Variants in HMCN1 observed in about 807,000 individuals in gnomAD.
HMCN1 encodes hemicentin 1.
In HMCN1, 321 loss-of-function variants were observed where a neutral mutation model predicts 625.9. That is an observed-to-expected ratio of 0.51 (90% CI 0.47 to 0.56). HMCN1 has a LOEUF of 0.56. HMCN1 is among the 20% of genes least tolerant of loss of function. HMCN1 has a pLI of 0.00. For missense variants in HMCN1, 6,588 were observed against 6,887.3 expected (o/e 0.96, Z 1.54); for synonymous variants, 2,425 against 2,417.6 (o/e 1.00, Z -0.09).
At position 185,933,820 on chromosome 1, in the gene HMCN1, G is replaced by A. The variant is rs756585754; in HGVS notation, c.1824G>A (p.Val608=). The A allele has an allele frequency of 5.6e-6, 9 of 1,612,644 alleles. No individual in the cohort carries two copies. The South Asian group carries it at 8.8e-5, about 16-fold the overall frequency. Residue 608 remains valine (V), a synonymous_variant, in exon 11 of 107, where the codon GTG becomes GTA. Transcript: ENST00000271588. The part of the protein sequence containing the change: ...GSSAASVFLT[V]QEPPKVTVMP... ...CAGCCGCTTCAGTTTTCCTCACAGT[G>A]CAAGGTACAGTGCTTTGGTAACTTC...
intron 30 of HMCN1, among the ~76,000 whole-genome samples, chr1:186,008,464 T>G (rs1653781575): frequency 6.6e-6 from 1 of 152,176 alleles, no homozygotes; most frequent in African/African-American, 2.4e-5. Context: ...TTATTAGAAT[T>G]AATTTCCTCT....
At chr1:185,916,258 T>G (rs2102464207) in intron 6 of HMCN1, among the ~76,000 whole-genome samples, 1 of 152,302 alleles carries the variant, frequency 6.6e-6, no homozygotes, top group South Asian at 2.1e-4. Context: ...CCATCTATTC[T>G]TTAATTTGTA....
At chr1:185,831,273 A>G (rs1170366055) in intron 1 of HMCN1, among the ~76,000 whole-genome samples, 1 of 152,186 alleles carries the variant, frequency 6.6e-6, no homozygotes, top group Non-Finnish European at 1.5e-5. Context: ...TAACATATCT[A>G]AGGGAAGAAC....
At chr1:185,809,513 T>C (rs1659378474) in intron 1 of HMCN1, among the ~76,000 whole-genome samples, 1 of 150,738 alleles carries the variant, frequency 6.6e-6, no homozygotes, top group Non-Finnish European at 1.5e-5. Flanking sequence ...CTAGGCATAA[T>C]ATATATATAT....
At chr1:185,930,907 T>TACACACACACAC (rs3030426) in intron 10 of HMCN1, among the ~76,000 whole-genome samples, 166 of 139,026 alleles carry the variant, frequency 1.2e-3, no homozygotes, top group African/African-American at 4.1e-3. Flanking sequence ...TTTCACCCAA[T>TACACACACACAC]ACACACACAC....
intron 97 of HMCN1, among the ~76,000 whole-genome samples, chr1:186,155,282 G>A (rs1414965112): frequency 8.6e-5 from 13 of 152,030 alleles, no homozygotes; most frequent in Non-Finnish European, 5.9e-5. Flanking sequence ...ACAGATTCAC[G>A]AAGTCTCATA....
chr1:185,773,448 C>T (rs1656385180), intron 1 of HMCN1, among the ~76,000 whole-genome samples: 1 of 152,106 alleles, frequency 6.6e-6, no homozygotes, highest in Admixed American at 6.6e-5. Context: ...AAGTGATACA[C>T]TTATTGTTAT....
chr1:186,109,854 A>G (rs933905440), intron 71 of HMCN1, among the ~76,000 whole-genome samples: 1 of 152,204 alleles, frequency 6.6e-6, no homozygotes, highest in Non-Finnish European at 1.5e-5. Flanking sequence ...AAATCACTCA[A>G]CTTAGCTCAC....
intron 1 of HMCN1, among the ~76,000 whole-genome samples, chr1:185,794,254 A>T (rs984883952): frequency 1.3e-5 from 2 of 152,102 alleles, no homozygotes; most frequent in African/African-American, 4.8e-5. Context: ...CTCAGGCCCC[A>T]ATTATGAATT....
Position 185,780,229 on chromosome 1 carries a change from A to G in HMCN1, c.268+45182A>G, listed in dbSNP as rs1571340051. On this transcript the variant is annotated intron_variant, in intron 1 of 106. Coordinates refer to ENST00000271588, the MANE Select transcript of HMCN1 (RefSeq NM_031935.3). ...TGAGACTTTGCTGAAGTTGCTTATC[A>G]GCTTAAGGAGATTTTGGGCTGAGAT... Among the ~76,000 whole-genome samples the G allele has an allele frequency of 2.0e-5, 3 of 152,334 alleles. No individual in the cohort carries two copies. In the East Asian group the frequency reaches 5.8e-4, roughly 29 times the overall value.
At chr1:185,859,930 C>A (rs1260664586) in intron 2 of HMCN1, among the ~76,000 whole-genome samples, 1 of 152,012 alleles carries the variant, frequency 6.6e-6, no homozygotes. Flanking sequence ...CTCAGCCTCC[C>A]AAAGTGCTGG....
At chr1:185,939,544 G>A (rs61829923) in intron 11 of HMCN1, among the ~76,000 whole-genome samples, 6,978 of 152,194 alleles carry the variant, frequency 0.046, 257 homozygotes, top group Middle Eastern at 0.089. Context: ...TCTTTTTTAA[G>A]ATCAAATTCA....
intron 102 of HMCN1, among the ~76,000 whole-genome samples, chr1:186,172,894 C>T (rs2102639815): frequency 6.6e-6 from 1 of 152,080 alleles, no homozygotes; most frequent in East Asian, 1.9e-4. Context: ...CAGGAATACC[C>T]AAGAGAGTGA....
Position 186,087,498 on chromosome 1 carries a change from A to C in HMCN1, c.9216A>C (p.Arg3072Ser). The change falls in exon 60 of 107, where the codon AGA becomes AGC. Residue 3072 changes from arginine (R) to serine (S), a missense_variant. By Grantham distance (110) the Arg-to-Ser change is moderately radical. This residue lies in a region of HMCN1 where 4,628 missense variants were observed against 4,853.1 expected (regional missense o/e 0.95). Coordinates refer to ENST00000271588, the MANE Select transcript of HMCN1 (RefSeq NM_031935.3). ...DSESLSVVNV[R>S]EGTSVSLECE... ...AATCTCTTTCTGTAGTTAATGTAAGAGAGGGAACTTCTGTGTCTTTGGAGT... is the reference window on the plus strand; with the variant it reads ...AATCTCTTTCTGTAGTTAATGTAAGCGAGGGAACTTCTGTGTCTTTGGAGT... 1 of 1,613,346 alleles carries C rather than the reference A, an allele frequency of 6.2e-7. No homozygotes were observed. Among genetic ancestry groups the C allele is most frequent in the Non-Finnish European group, 8.5e-7 (1 of 1,179,524 alleles).
chr1:185,950,648 G>T lies in HMCN1; in HGVS notation c.1829-11870G>T, dbSNP rs1344403875. 8.8e-4 allele frequency among the ~76,000 whole-genome samples: 134 copies of T among 151,930 alleles called. 2 individuals are homozygous for T. The highest frequency in any genetic ancestry group is 5.8e-4 in the East Asian group (3 of 5,182). ...TTTGGGCTTGAGTGAAGTAATGGGG[G>T]CTGTCTGTGAAGCTTTGCAGCAGTA... On this transcript the variant is annotated intron_variant, in intron 11 of 106. Coordinates refer to ENST00000271588, the MANE Select transcript of HMCN1 (RefSeq NM_031935.3).
At chr1:186,170,538 G>A (rs574760854) in intron 100 of HMCN1, among the ~76,000 whole-genome samples, 2 of 152,234 alleles carry the variant, frequency 1.3e-5, no homozygotes, top group East Asian at 1.9e-4. Flanking sequence ...TAAAGACATA[G>A]AACCAACCCA....
intron 11 of HMCN1, among the ~76,000 whole-genome samples, chr1:185,939,002 G>C (rs1558079047): frequency 6.6e-6 from 1 of 151,936 alleles, no homozygotes; most frequent in Non-Finnish European, 1.5e-5. Flanking sequence ...AAATATTCAA[G>C]GGTTCAGGAA....
At chr1:185,797,695 G>A (rs958418954) in intron 1 of HMCN1, among the ~76,000 whole-genome samples, 23 of 147,296 alleles carry the variant, frequency 1.6e-4, no homozygotes, top group Non-Finnish European at 2.8e-4. Flanking sequence ...GGCCGGGCGC[G>A]GTGGCTCACG....
intron 15 of HMCN1, among the ~76,000 whole-genome samples, chr1:185,975,900 ACACACACG>A (rs1651175044): frequency 1.3e-5 from 2 of 152,002 alleles, no homozygotes; most frequent in African/African-American, 2.4e-5. Flanking sequence ...ACACACACAC[ACACACACG>A]CACACACACA....
Sources: allele counts gnomAD v4.1 joint callset (sites outside exome capture counted in the v4.1 genomes callset), GRCh38; gene constraint gnomAD v4.1.1; regional missense constraint gnomAD v4.1.1; transcripts MANE v1.5; gene names NCBI Gene and HGNC (gene_info 2026-07-23, HGNC 2026-07-21).